The following PCDHGA12 variants were observed in gnomAD, a reference collection of about 807,000 sequenced individuals.
PCDHGA12 encodes the protein protocadherin gamma subfamily A, 12.
In PCDHGA12, 43 loss-of-function variants were observed where a neutral mutation model predicts 61.1. The observed-to-expected ratio is 0.70, with a 90% CI of 0.55 to 0.91. The LOEUF (loss-of-function observed/expected upper bound fraction) is 0.91, where lower values mean the gene tolerates loss of function less well. Ranked by LOEUF, PCDHGA12 falls within the 40% of genes least tolerant of loss-of-function variation. The probability of loss-of-function intolerance (pLI) is 0.00; values close to 1 mark genes in which losing one functional copy is unlikely to be tolerated. For missense variants in PCDHGA12, 1,236 were observed against 1,227.7 expected (o/e 1.01, Z -0.10); for synonymous variants, 520 against 542.9 (o/e 0.96, Z 0.59).
intron 1 of PCDHGA12, among the ~76,000 whole-genome samples, chr5:141,437,421 T>G (rs971034611): frequency 1.2e-4 from 19 of 152,238 alleles, no homozygotes; most frequent in African/African-American, 4.6e-4. Flanking sequence ...TTATGCTTTT[T>G]GAAGCAGCAA....
intron 1 of PCDHGA12, among the ~76,000 whole-genome samples, chr5:141,460,912 G>GTGTATA (rs145509489): frequency 0.032 from 4,842 of 149,286 alleles, 90 homozygotes; most frequent in Middle Eastern, 0.083. Flanking sequence ...ATTCCATGGT[G>GTGTATA]TATATATATA....
chr5:141,457,023 A>G (rs1339517071), intron 1 of PCDHGA12, among the ~76,000 whole-genome samples: 1 of 152,228 alleles, frequency 6.6e-6, no homozygotes, highest in Non-Finnish European at 1.5e-5. Flanking sequence ...AAAAAGTCCT[A>G]GTAGACTCAG....
intron 1 of PCDHGA12, among the ~76,000 whole-genome samples, chr5:141,444,006 G>T (rs1279816416): frequency 2.0e-5 from 3 of 152,012 alleles, no homozygotes; most frequent in Non-Finnish European, 4.4e-5. Flanking sequence ...TGCTACCTGG[G>T]TATTGGCTTC....
chr5:141,502,661 T>G (rs1440361647), intron 2 of PCDHGA12, among the ~76,000 whole-genome samples: 1 of 152,240 alleles, frequency 6.6e-6, no homozygotes. Flanking sequence ...CAACCCTTCA[T>G]GCAATTTTAG....
intron 1 of PCDHGA12, among the ~76,000 whole-genome samples, chr5:141,437,886 C>T (rs763669578): frequency 1.1e-4 from 17 of 152,140 alleles, no homozygotes; most frequent in Non-Finnish European, 1.5e-4. Context: ...TACAGGCACA[C>T]GCCACCACAC....
rs1421670958 is a variant in PCDHGA12, at chr5:141,432,558, A to C, written c.1799A>C (p.Gln600Pro). ...GTGGCGGTGGACAGAGACTCCGGCC[A>C]GAACGCCTGGCTGTCCTACCGTCTG... ...KVVAVDRDSG[Q>P]NAWLSYRLLK... The change falls in exon 1 of 4, where the codon CAG (glutamine) becomes CCG (proline). Residue 600 changes from glutamine (Q) to proline (P), a missense_variant. By Grantham distance (76) the Gln-to-Pro change is moderately conservative. Transcript: ENST00000252085. This position sits in a 1 kb window ranked among gnomAD's most constrained non-coding sequence, Gnocchi z 6.0. The C allele has an allele frequency of 1.9e-6, 3 of 1,613,756 alleles. No individual in the cohort carries two copies. The highest frequency in any genetic ancestry group is 2.2e-5 in the South Asian group (2 of 91,060).
intron 1 of PCDHGA12, among the ~76,000 whole-genome samples, chr5:141,434,881 A>C (rs1221252749): frequency 6.6e-6 from 1 of 151,958 alleles, no homozygotes; most frequent in Non-Finnish European, 1.5e-5. Context: ...AGATACCAAC[A>C]ACAATCCAGT....
intron 1 of PCDHGA12, among the ~76,000 whole-genome samples, chr5:141,481,031 C>G (rs926205148): frequency 1.3e-5 from 2 of 152,108 alleles, no homozygotes; most frequent in Non-Finnish European, 2.9e-5. Flanking sequence ...GCACTCCAGC[C>G]TGGGCGACAG....
In PCDHGA12 at chr5:141,486,585, GGGA is replaced by G; in HGVS notation, c.2425-8221_2425-8219del. The G allele has an allele frequency of 6.2e-7, 1 of 1,613,708 alleles. No individual in the cohort carries two copies. Among genetic ancestry groups the G allele is most frequent in the Non-Finnish European group, 8.5e-7 (1 of 1,180,024 alleles). On this transcript the variant is annotated intron_variant, in intron 1 of 3. Transcript: ENST00000252085. This position sits in a 1 kb window ranked among gnomAD's most constrained non-coding sequence, Gnocchi z 5.0. ...TTTGTTCCTGAGAACAATCGCCCAG[GGGA>G]CCTGCTTTGCTCCCTTGCAGCCTCT...
At position 141,483,010 on chromosome 5, in the gene PCDHGA12, G is replaced by A. The variant is rs574078222; in HGVS notation, c.2425-11797G>A. Among the ~76,000 whole-genome samples the A allele has an allele frequency of 1.3e-3, 204 of 152,122 alleles. 1 individual carries two copies. Among genetic ancestry groups the A allele is most frequent in the African/African-American group, 4.0e-3 (168 of 41,498 alleles). On this transcript the variant is annotated intron_variant, in intron 1 of 3. Coordinates refer to ENST00000252085, the MANE Select transcript of PCDHGA12 (RefSeq NM_003735.3). Reference sequence around the variant, plus strand: ...CGAGGCAGGAGAATTGCTTGAACCCGGGAGGCAGAGGTTGCAATGAGCTGG... The same window carrying A: ...CGAGGCAGGAGAATTGCTTGAACCCAGGAGGCAGAGGTTGCAATGAGCTGG...
intron 1 of PCDHGA12, among the ~76,000 whole-genome samples, chr5:141,468,754 T>C (rs1205525962): frequency 6.6e-6 from 1 of 152,036 alleles, no homozygotes; most frequent in Admixed American, 6.6e-5. Flanking sequence ...TAGTCCCAGC[T>C]ACTCGGGAGG....
In PCDHGA12 at chr5:141,511,539, C is replaced by CGAGAT; in HGVS notation, c.*366_*367insGAGAT. 3.0e-6 allele frequency: 1 copy of CGAGAT among 328,342 alleles called. No individual in the cohort carries two copies. Among genetic ancestry groups the CGAGAT allele is most frequent in the South Asian group, 3.2e-5 (1 of 31,708 alleles). 20.3% of individuals were successfully genotyped at this position (328,342 alleles called of 1,614,324 possible). On this transcript the variant is annotated 3_prime_UTR_variant, in exon 4 of 4. Transcript: ENST00000252085. ...CATCCCATGCCTCCCTCCTCCCCAC[C>CGAGAT]CCACTCCAACAGTTCCTCTTTCCCG...
chr5:141,472,263 C>T (rs978647191), intron 1 of PCDHGA12, among the ~76,000 whole-genome samples: 7 of 152,144 alleles, frequency 4.6e-5, no homozygotes, highest in South Asian at 2.1e-4. Flanking sequence ...ATATTATAGC[C>T]GGGCACAGTG....
intron 1 of PCDHGA12, among the ~76,000 whole-genome samples, chr5:141,463,545 T>C (rs1433047951): frequency 6.8e-6 from 1 of 146,704 alleles, no homozygotes; most frequent in East Asian, 2.1e-4. Flanking sequence ...GGCTCCCGGG[T>C]TCATGCCATT....
intron 1 of PCDHGA12, among the ~76,000 whole-genome samples, chr5:141,443,667 C>G (rs62379164): frequency 0.042 from 6,382 of 152,210 alleles, 168 homozygotes; most frequent in Middle Eastern, 0.088. Flanking sequence ...TTTTACTGAA[C>G]TAGTAGTTTA....
At position 141,511,572 on chromosome 5, in the gene PCDHGA12, T is replaced by C. The variant is rs1366960269; in HGVS notation, c.*399T>C. The C allele has an allele frequency of 1.0e-5, 3 of 289,550 alleles. No homozygotes were observed. The East Asian group carries it at 2.4e-4, about 23-fold the overall frequency. 17.9% of individuals were successfully genotyped at this position (289,550 alleles called of 1,614,324 possible). ...AACAGTTCCTCTTTCCCGAGTAAGG[T>C]GGTTGGGGTGTTGAAGTACCAAGTA... On this transcript the variant is annotated 3_prime_UTR_variant, in exon 4 of 4. Coordinates refer to ENST00000252085, the MANE Select transcript of PCDHGA12 (RefSeq NM_003735.3).
chr5:141,459,939 G>A (rs377668643), intron 1 of PCDHGA12, among the ~76,000 whole-genome samples: 7 of 152,256 alleles, frequency 4.6e-5, no homozygotes, highest in Non-Finnish European at 7.4e-5. Flanking sequence ...GTAGCTGGGC[G>A]TGATGGCAGG....
At position 141,431,277 on chromosome 5, in the gene PCDHGA12, G is replaced by T; in HGVS notation, c.518G>T (p.Ser173Ile). 6.2e-7 allele frequency: 1 copy of T among 1,614,160 alleles called. No homozygotes were observed. The highest frequency in any genetic ancestry group is 1.3e-5 in the African/African-American group (1 of 75,062). The change falls in exon 1 of 4, where the codon AGC becomes ATC. Residue 173 changes from serine (S) to isoleucine (I), a missense_variant. Transcript: ENST00000252085. This position sits in a 1 kb window ranked among gnomAD's most constrained non-coding sequence, Gnocchi z 4.8. ...AACTCTCTGCAGAGCTACGAGCTCAGCCCGAACACTCACTTCTCCCTCATC... is the reference window on the plus strand; with the variant it reads ...AACTCTCTGCAGAGCTACGAGCTCATCCCGAACACTCACTTCTCCCTCATC... Reference protein sequence around the residue: ...GKNSLQSYELSPNTHFSLIVQ... With the variant: ...GKNSLQSYELIPNTHFSLIVQ...
chr5:141,482,967 AGCAGCTACTT>A (rs2099575323), intron 1 of PCDHGA12, among the ~76,000 whole-genome samples: 1 of 58,122 alleles, frequency 1.7e-5, no homozygotes, highest in African/African-American at 2.6e-4. Flanking sequence ...CAGCTACTTG[AGCAGCTACTT>A]GAGAGGTCGA....
Sources: gnomAD v4.1 joint callset for allele counts (sites outside exome capture counted in the v4.1 genomes callset) on GRCh38, gnomAD v4.1.1 for gene constraint, Gnocchi (gnomAD v3.1) non-coding constraint, MANE v1.5 for transcripts, NCBI Gene and HGNC (gene_info 2026-07-23, HGNC 2026-07-21) for gene names.